The following ATOSA variants were observed in gnomAD, a reference collection of about 807,000 sequenced individuals.
ATOSA encodes atos homolog A.
chr15:52,645,021 T>C, the ATOSA span, among the ~76,000 whole-genome samples: 1 of 152,260 alleles, frequency 6.6e-6, no homozygotes, highest in Non-Finnish European at 1.5e-5. Context: ...TTGATATTTA[T>C]GTGTTAAAAA....
chr15:52,700,593 T>G, the ATOSA span, among the ~76,000 whole-genome samples: 1 of 152,202 alleles, frequency 6.6e-6, no homozygotes. Flanking sequence ...CAACTACCCT[T>G]CATATTTATC....
the ATOSA span, chr15:52,582,031 A>C: frequency 1.4e-6 from 1 of 726,698 alleles, no homozygotes; most frequent in Non-Finnish European, 2.1e-6. Flanking sequence ...TTTCATAAAA[A>C]CTGGTCCAGG....
chr15:52,684,250 T>C, the ATOSA span, among the ~76,000 whole-genome samples: 13 of 152,330 alleles, frequency 8.5e-5, no homozygotes, highest in African/African-American at 3.1e-4. Context: ...AATATAAATT[T>C]TCAGCTGGGC....
At chr15:52,610,503 G>A in the ATOSA span, 1 of 1,083,820 alleles carries the variant, frequency 9.2e-7, no homozygotes, top group Non-Finnish European at 1.3e-6. Context: ...AATTACCACT[G>A]AGGTTTACTT....
chr15:52,588,805 G>A, the ATOSA span, among the ~76,000 whole-genome samples: 1 of 152,064 alleles, frequency 6.6e-6, no homozygotes. Flanking sequence ...ACGTTAACTG[G>A]GCTAATACTT....
the ATOSA span, among the ~76,000 whole-genome samples, chr15:52,591,484 A>G: frequency 6.6e-6 from 1 of 152,124 alleles, no homozygotes; most frequent in Non-Finnish European, 1.5e-5. Context: ...TGCCAGCTTC[A>G]GGTGATCTGT....
chr15:52,603,563 GC>G, the ATOSA span, among the ~76,000 whole-genome samples: 22 of 150,666 alleles, frequency 1.5e-4, no homozygotes, highest in Middle Eastern at 3.4e-3. Context: ...ATTTGCAACA[GC>G]CAAGATATGG....
chr15:52,701,264 G>A, the ATOSA span, among the ~76,000 whole-genome samples: 1 of 152,160 alleles, frequency 6.6e-6, no homozygotes, highest in African/African-American at 2.4e-5. Flanking sequence ...AGGATAGCTT[G>A]AGCCCTGTCT....
the ATOSA span, among the ~76,000 whole-genome samples, chr15:52,591,512 A>C: frequency 5.3e-5 from 8 of 152,244 alleles, no homozygotes; most frequent in African/African-American, 1.9e-4. Flanking sequence ...AGCCTCCCAA[A>C]GTGCTGGGAT....
chr15:52,600,102 A>T, the ATOSA span: 8 of 1,307,294 alleles, frequency 6.1e-6, no homozygotes, highest in Non-Finnish European at 8.8e-6. Flanking sequence ...ATTTTCATTT[A>T]AAGAACAGTT....
At chr15:52,680,873 G>A in the ATOSA span, among the ~76,000 whole-genome samples, 1 of 56,864 alleles carries the variant, frequency 1.8e-5, no homozygotes, top group African/African-American at 6.3e-5. Context: ...AGTTTTACTT[G>A]TTCTACAAGC....
the ATOSA span, chr15:52,609,837 A>G: frequency 2.5e-6 from 4 of 1,613,790 alleles, no homozygotes; most frequent in Non-Finnish European, 3.4e-6. Context: ...TTAAAGGGTT[A>G]GTCTCACCAG....
the ATOSA span, among the ~76,000 whole-genome samples, chr15:52,634,311 A>C: frequency 1.3e-5 from 2 of 152,062 alleles, no homozygotes; most frequent in African/African-American, 4.8e-5. Context: ...TAAGCCTGTA[A>C]TCCTAGCTAC....
chr15:52,630,770 G>GA, the ATOSA span, among the ~76,000 whole-genome samples: 1 of 151,904 alleles, frequency 6.6e-6, no homozygotes, highest in Non-Finnish European at 1.5e-5. Context: ...CAAAATTTTG[G>GA]AAAAAACAAG....
At chr15:52,613,962 A>G in the ATOSA span, 1 of 902,418 alleles carries the variant, frequency 1.1e-6, no homozygotes, top group Non-Finnish European at 1.8e-6. Context: ...TTATTCATTT[A>G]ACATAGAGTG....
At chr15:52,666,469 G>C in the ATOSA span, among the ~76,000 whole-genome samples, 1 of 152,124 alleles carries the variant, frequency 6.6e-6, no homozygotes, top group Non-Finnish European at 1.5e-5. Context: ...TGTATATAGG[G>C]AGTTCATGTA....
chr15:52,624,772 ACCTGCTTAT>A, the ATOSA span, among the ~76,000 whole-genome samples: 1 of 139,362 alleles, frequency 7.2e-6, no homozygotes, highest in African/African-American at 2.5e-5. Context: ...GAATATGTGT[ACCTGCTTAT>A]TTTTTTTTTT....
chr15:52,618,140 G>A, the ATOSA span, among the ~76,000 whole-genome samples: 2 of 151,922 alleles, frequency 1.3e-5, no homozygotes, highest in East Asian at 1.9e-4. Flanking sequence ...CCAGGTTCAC[G>A]CCATTCTCCT....
the ATOSA span, among the ~76,000 whole-genome samples, chr15:52,666,676 C>T: frequency 2.0e-5 from 3 of 152,166 alleles, no homozygotes; most frequent in Non-Finnish European, 4.4e-5. Context: ...GCCAAGTGTT[C>T]ATTCAACACT....
Sources: allele counts gnomAD v4.1 joint callset (sites outside exome capture counted in the v4.1 genomes callset), GRCh38; gene constraint gnomAD v4.1.1; transcripts MANE v1.5; gene names NCBI Gene and HGNC (gene_info 2026-07-23, HGNC 2026-07-21).